The following SLC24A2 variants were observed in gnomAD, a reference collection of about 807,000 sequenced individuals.
SLC24A2 encodes the protein sodium/potassium/calcium exchanger 2.
Under a neutral mutation model 62.0 loss-of-function variants are expected in SLC24A2, and 36 were observed. That is an observed-to-expected ratio of 0.58 (90% CI 0.44 to 0.77). The LOEUF is 0.77. Ranked by LOEUF, SLC24A2 falls within the 30% of genes least tolerant of loss-of-function variation. The probability of loss-of-function intolerance (pLI) is 0.00; values close to 1 mark genes in which losing one functional copy is unlikely to be tolerated. For synonymous variants in SLC24A2, 358 were observed against 294.0 expected, an observed-to-expected ratio of 1.22 and a Z score of -2.23; for missense variants, 846 against 817.9, an observed-to-expected ratio of 1.03 and a Z score of -0.42.
chr9:19,835,224 A>C, the SLC24A2 span, among the ~76,000 whole-genome samples: 1 of 152,312 alleles, frequency 6.6e-6, no homozygotes, highest in African/African-American at 2.4e-5. Flanking sequence ...CACACATAAC[A>C]ATACTAACCT....
chr9:19,618,621 T>C (rs1011222251), intron 4 of SLC24A2, among the ~76,000 whole-genome samples: 1 of 152,206 alleles, frequency 6.6e-6, no homozygotes, highest in Non-Finnish European at 1.5e-5. Flanking sequence ...AACTTCTTGA[T>C]TGCTTATATT....
the SLC24A2 span, among the ~76,000 whole-genome samples, chr9:19,816,282 T>C: frequency 0.85 from 128,447 of 151,900 alleles, 55,358 homozygotes; most frequent in Non-Finnish European, 0.94. Context: ...TCTTAGAGTC[T>C]TCTACTTCAA....
At chr9:19,988,048 G>C in the SLC24A2 span, among the ~76,000 whole-genome samples, 1 of 152,224 alleles carries the variant, frequency 6.6e-6, no homozygotes, top group Non-Finnish European at 1.5e-5. Flanking sequence ...TGTGGAAATA[G>C]TTCCTTATTC....
the SLC24A2 span, among the ~76,000 whole-genome samples, chr9:20,019,500 C>T: frequency 2.6e-5 from 4 of 152,196 alleles, no homozygotes; most frequent in South Asian, 2.1e-4. Flanking sequence ...AGATGTGTGG[C>T]GTTATTTCTG....
chr9:19,778,329 T>C (rs938144132), intron 2 of SLC24A2, among the ~76,000 whole-genome samples: 2 of 152,302 alleles, frequency 1.3e-5, no homozygotes, highest in East Asian at 1.9e-4. Context: ...GTATTTGCCA[T>C]TCCTTAGCAG....
At chr9:20,169,065 T>C in the SLC24A2 span, among the ~76,000 whole-genome samples, 5 of 152,074 alleles carry the variant, frequency 3.3e-5, no homozygotes, top group East Asian at 9.7e-4. Context: ...TAGGTGGGCA[T>C]TGAAAATATA....
chr9:19,544,060 G>T (rs7850831), intron 8 of SLC24A2, among the ~76,000 whole-genome samples: 1 of 152,012 alleles, frequency 6.6e-6, no homozygotes, highest in South Asian at 2.1e-4. Flanking sequence ...TTGTGTGGGA[G>T]TGTAAGTCTC....
chr9:19,799,185 C>G, the SLC24A2 span, among the ~76,000 whole-genome samples: 2 of 151,478 alleles, frequency 1.3e-5, no homozygotes, highest in Non-Finnish European at 2.9e-5. Context: ...TGCTTTTTTC[C>G]CCTACTATCT....
At chr9:19,818,633 C>T in the SLC24A2 span, among the ~76,000 whole-genome samples, 1 of 151,948 alleles carries the variant, frequency 6.6e-6, no homozygotes, top group Non-Finnish European at 1.5e-5. Flanking sequence ...AGAAATATAC[C>T]TAACCAAGGA....
At chr9:20,004,669 G>A in the SLC24A2 span, among the ~76,000 whole-genome samples, 2 of 152,120 alleles carry the variant, frequency 1.3e-5, no homozygotes, top group Non-Finnish European at 2.9e-5. Flanking sequence ...TTTCCTTGAG[G>A]AAATTGATTT....
the SLC24A2 span, among the ~76,000 whole-genome samples, chr9:20,155,775 A>G: frequency 6.6e-6 from 1 of 151,800 alleles, no homozygotes; most frequent in Non-Finnish European, 1.5e-5. Context: ...CGTATTCATC[A>G]TAGTTTAATT....
At chr9:19,934,882 G>A in the SLC24A2 span, among the ~76,000 whole-genome samples, 1 of 152,070 alleles carries the variant, frequency 6.6e-6, no homozygotes, top group Non-Finnish European at 1.5e-5. The surrounding 1 kb of genome is among the most constrained non-coding windows in gnomAD (Gnocchi z 4.1). Context: ...GGAAGAGAAA[G>A]ATTTTAAATT....
chr9:20,285,894 C>G, the SLC24A2 span, among the ~76,000 whole-genome samples: 1 of 152,124 alleles, frequency 6.6e-6, no homozygotes, highest in Non-Finnish European at 1.5e-5. Flanking sequence ...ATCAGCAAGC[C>G]AAGGAGAGAG....
At chr9:19,986,340 A>G in the SLC24A2 span, among the ~76,000 whole-genome samples, 3 of 152,264 alleles carry the variant, frequency 2.0e-5, no homozygotes, top group African/African-American at 2.4e-5. Flanking sequence ...GTACAAACCA[A>G]TAATATATTG....
chr9:19,994,747 C>G, the SLC24A2 span, among the ~76,000 whole-genome samples: 1 of 152,194 alleles, frequency 6.6e-6, no homozygotes, highest in South Asian at 2.1e-4. Flanking sequence ...TGGCTTCATG[C>G]ACCGGTCCTC....
chr9:20,032,365 T>C, the SLC24A2 span, among the ~76,000 whole-genome samples: 12 of 152,314 alleles, frequency 7.9e-5, no homozygotes, highest in African/African-American at 2.6e-4. Flanking sequence ...AAAAGAAGGA[T>C]GATGATTTAA....
At chr9:19,594,958 C>A (rs562222483) in intron 5 of SLC24A2, among the ~76,000 whole-genome samples, 14 of 152,318 alleles carry the variant, frequency 9.2e-5, no homozygotes, top group African/African-American at 2.2e-4. Context: ...TGCAACTTTA[C>A]ATGGCTGGAT....
At chr9:20,230,657 C>T in the SLC24A2 span, among the ~76,000 whole-genome samples, 1 of 152,084 alleles carries the variant, frequency 6.6e-6, no homozygotes, top group African/African-American at 2.4e-5. Context: ...GAGTAGATTG[C>T]AAAAATTTTC....
At chr9:20,237,817 TAGA>T in the SLC24A2 span, among the ~76,000 whole-genome samples, 1 of 152,170 alleles carries the variant, frequency 6.6e-6, no homozygotes, top group African/African-American at 2.4e-5. Context: ...GCCCTCTAGA[TAGA>T]AGTAGTCTCC....
Sources: gnomAD v4.1 joint callset for allele counts (sites outside exome capture counted in the v4.1 genomes callset) on GRCh38, gnomAD v4.1.1 for gene constraint, Gnocchi (gnomAD v3.1) non-coding constraint, MANE v1.5 for transcripts, NCBI Gene and HGNC (gene_info 2026-07-23, HGNC 2026-07-21) for gene names.